The following CAMK4 variants were observed in gnomAD, a reference collection of about 807,000 sequenced individuals.
CAMK4 encodes calcium/calmodulin-dependent protein kinase type IV.
A neutral mutation model predicts 44.9 loss-of-function variants in CAMK4; 22 were observed. That is an observed-to-expected ratio of 0.49 (90% CI 0.35 to 0.70). The LOEUF is 0.70. CAMK4 is among the 30% of genes least tolerant of loss of function. The pLI is 0.01. For missense variants in CAMK4, 498 were observed against 586.8 expected (o/e 0.85, Z 1.56); for synonymous variants, 218 against 215.4 (o/e 1.01, Z -0.11).
At chr5:111,399,218 C>G (rs923441966) in intron 5 of CAMK4, among the ~76,000 whole-genome samples, 1 of 152,184 alleles carries the variant, frequency 6.6e-6, no homozygotes, top group Non-Finnish European at 1.5e-5. Context: ...TTAGAAAGGT[C>G]TCAGTTAATT....
chr5:111,308,985 T>C (rs190882103), intron 1 of CAMK4, among the ~76,000 whole-genome samples: 1 of 152,314 alleles, frequency 6.6e-6, no homozygotes, highest in Admixed American at 6.5e-5. Flanking sequence ...CATAAACATG[T>C]AGTAAATTCT....
intron 1 of CAMK4, chr5:111,302,137 C>T (rs531806353): frequency 1.3e-5 from 2 of 152,208 alleles, no homozygotes; most frequent in East Asian, 3.9e-4. Context: ...CATATTCTCT[C>T]AGTGTCCAGC....
intron 5 of CAMK4, among the ~76,000 whole-genome samples, chr5:111,428,486 A>G (rs1753312199): frequency 6.6e-6 from 1 of 152,262 alleles, no homozygotes; most frequent in African/African-American, 2.4e-5. Flanking sequence ...GAAATTCAAG[A>G]TAACACAGAG....
intron 1 of CAMK4, among the ~76,000 whole-genome samples, chr5:111,226,713 C>G (rs745901249): frequency 1.8e-4 from 27 of 152,216 alleles, no homozygotes; most frequent in Non-Finnish European, 4.0e-4. Context: ...ACAGAGAACA[C>G]TCTAGAGTTC....
intron 1 of CAMK4, among the ~76,000 whole-genome samples, chr5:111,272,663 A>G (rs190522816): frequency 4.6e-5 from 7 of 152,320 alleles, no homozygotes; most frequent in Admixed American, 6.5e-5. Context: ...AAATTATTCA[A>G]GTATTTCAAC....
At chr5:111,458,892 A>G (rs1754535497) in intron 7 of CAMK4, among the ~76,000 whole-genome samples, 2 of 152,154 alleles carry the variant, frequency 1.3e-5, no homozygotes, top group African/African-American at 4.8e-5. Flanking sequence ...AGGGCAGAAA[A>G]TAGTAGATAG....
chr5:111,229,728 T>A (rs1366685080), intron 1 of CAMK4, among the ~76,000 whole-genome samples: 1 of 152,200 alleles, frequency 6.6e-6, no homozygotes, highest in Non-Finnish European at 1.5e-5. Flanking sequence ...TGGGGGATGG[T>A]AGGTTTTTTT....
In CAMK4 at chr5:111,493,865, CAAAT is replaced by C. The variant is rs1226254681; in HGVS notation, c.*9400_*9403del. The C allele has an allele frequency of 6.6e-6, 1 of 152,138 alleles. No homozygotes were observed. Among genetic ancestry groups the C allele is most frequent in the East Asian group, 1.9e-4 (1 of 5,176 alleles). The allele number at this position is 152,138 out of a possible 1,614,324, so 9.4% of individuals were successfully genotyped here. Reference sequence around the variant, plus strand: ...TGAATGGCGGCATTATTCCTGAAGACAAATGAAGGAAGATAGGGAGCAAGATTGA... The same window carrying C: ...TGAATGGCGGCATTATTCCTGAAGACGAAGGAAGATAGGGAGCAAGATTGA... On this transcript the variant is annotated 3_prime_UTR_variant, in exon 11 of 11. Coordinates refer to ENST00000282356, the MANE Select transcript of CAMK4 (RefSeq NM_001744.6). The surrounding 1 kb of genome is among the most constrained non-coding windows in gnomAD (Gnocchi z 4.1).
At chr5:111,344,274 G>C (rs1749774650) in intron 2 of CAMK4, among the ~76,000 whole-genome samples, 172 bp downstream of exon 2, 1 of 151,758 alleles carries the variant, frequency 6.6e-6, no homozygotes, top group Non-Finnish European at 1.5e-5. Flanking sequence ...GAAATTGCAT[G>C]AGTCTTTGAA....
chr5:111,426,765 A>G (rs959445346), intron 5 of CAMK4, among the ~76,000 whole-genome samples: 1 of 152,172 alleles, frequency 6.6e-6, no homozygotes, highest in Non-Finnish European at 1.5e-5. Context: ...GGAAACCCCA[A>G]CCAAATTCAG....
intron 2 of CAMK4, among the ~76,000 whole-genome samples, chr5:111,346,916 A>G (rs1749897105): frequency 6.6e-6 from 1 of 151,994 alleles, no homozygotes; most frequent in Non-Finnish European, 1.5e-5. Flanking sequence ...AAGGAGAATC[A>G]GGCAACTCAC....
At chr5:111,419,522 C>T (rs968350289) in intron 5 of CAMK4, among the ~76,000 whole-genome samples, 3 of 152,128 alleles carry the variant, frequency 2.0e-5, no homozygotes, top group African/African-American at 7.2e-5. Flanking sequence ...CTTGCCCGTG[C>T]CTATGTCCTG....
chr5:111,351,534 T>C (rs1750105025), intron 2 of CAMK4, among the ~76,000 whole-genome samples: 1 of 151,828 alleles, frequency 6.6e-6, no homozygotes, highest in African/African-American at 2.4e-5. Context: ...GCCTCCTTAG[T>C]AGCTGAGATT....
intron 1 of CAMK4, among the ~76,000 whole-genome samples, chr5:111,264,005 T>A (rs1454842920): frequency 3.9e-5 from 6 of 152,200 alleles, no homozygotes; most frequent in Non-Finnish European, 8.8e-5. Context: ...GTCCTTTCTG[T>A]CTTTTGAAAC....
In CAMK4 at chr5:111,427,413, C is replaced by T. The variant is rs532957246; in HGVS notation, c.460-19273C>T. Among the ~76,000 whole-genome samples the T allele has an allele frequency of 5.8e-4, 88 of 152,338 alleles. 1 individual carries two copies. The highest frequency in any genetic ancestry group is 2.0e-3 in the African/African-American group (85 of 41,590). On this transcript the variant is annotated intron_variant, in intron 5 of 10. Coordinates refer to ENST00000282356, the MANE Select transcript of CAMK4 (RefSeq NM_001744.6). ...AAGTTTCTGGCTTCAGATACCACCA[C>T]CACCTCAGCGGGGGTAGAACACCAA...
intron 1 of CAMK4, among the ~76,000 whole-genome samples, chr5:111,325,262 T>C (rs1435982278): frequency 6.6e-6 from 1 of 152,132 alleles, no homozygotes; most frequent in Non-Finnish European, 1.5e-5. Flanking sequence ...AGTCTATCAT[T>C]GATGGGCATT....
intron 4 of CAMK4, among the ~76,000 whole-genome samples, chr5:111,379,947 G>A (rs1471662239): frequency 6.6e-6 from 1 of 152,122 alleles, no homozygotes; most frequent in African/African-American, 2.4e-5. Flanking sequence ...TAAAATCCAT[G>A]ATTTGTTGTG....
intron 4 of CAMK4, among the ~76,000 whole-genome samples, chr5:111,387,108 T>G (rs1341308510): frequency 6.6e-6 from 1 of 152,296 alleles, no homozygotes; most frequent in Admixed American, 6.5e-5. Context: ...GAAACAGAAA[T>G]TAGTTTACTA....
chr5:111,241,456 T>C (rs1357231782), intron 1 of CAMK4, among the ~76,000 whole-genome samples: 1 of 152,158 alleles, frequency 6.6e-6, no homozygotes, highest in Non-Finnish European at 1.5e-5. Flanking sequence ...TGTTGCACGA[T>C]GTCATGTGAC....
Sources: allele counts gnomAD v4.1 joint callset (sites outside exome capture counted in the v4.1 genomes callset), GRCh38; gene constraint gnomAD v4.1.1; non-coding constraint Gnocchi (gnomAD v3.1); transcripts MANE v1.5; gene names NCBI Gene and HGNC (gene_info 2026-07-23, HGNC 2026-07-21).